The following DNAJC13 variants were observed in gnomAD, a reference collection of about 807,000 sequenced individuals.
DNAJC13 encodes DnaJ heat shock protein family (Hsp40) member C13.
In DNAJC13, 75 loss-of-function variants were observed where a neutral mutation model predicts 290.5. The observed-to-expected ratio is 0.26, with a 90% CI of 0.21 to 0.31. The LOEUF is 0.31. Ranked by LOEUF, DNAJC13 falls within the 10% of genes least tolerant of loss-of-function variation. The pLI, the probability that DNAJC13 is intolerant of heterozygous loss-of-function variation, is 1.00. For missense variants in DNAJC13, 2,260 were observed against 2,674.5 expected, an observed-to-expected ratio of 0.85 and a Z score of 3.42; for synonymous variants, 862 against 892.0, an observed-to-expected ratio of 0.97 and a Z score of 0.60.
At chr3:132,486,382 C>T (rs1233500643) in intron 29 of DNAJC13, among the ~76,000 whole-genome samples, 1 of 151,882 alleles carries the variant, frequency 6.6e-6, no homozygotes, top group Non-Finnish European at 1.5e-5. Flanking sequence ...TCTTACGAAA[C>T]TGAAAGGAAA....
rs1933603585 is a variant in DNAJC13 at position 132,456,520 on chromosome 3, T to A, written c.1119T>A (p.Ala373=). The A allele has an allele frequency of 1.2e-6, 2 of 1,613,864 alleles. No individual in the cohort carries two copies. Among genetic ancestry groups the A allele is most frequent in the Admixed American group, 1.7e-5 (1 of 59,978 alleles). ...ATPPNGNFAD[A]VFRFNANISY... ...TTACAGATGGCAACTTTGCAGATGCTGTATTCAGGTTCAATGCTAATATTT... is the reference window on the plus strand; with the variant it reads ...TTACAGATGGCAACTTTGCAGATGCAGTATTCAGGTTCAATGCTAATATTT... Residue 373 remains alanine, a synonymous_variant, in exon 11 of 56, where the codon GCT becomes GCA. Transcript: ENST00000260818.
chr3:132,452,960 A>G (rs1472591592), intron 6 of DNAJC13, among the ~76,000 whole-genome samples: 1 of 152,218 alleles, frequency 6.6e-6, no homozygotes, highest in Non-Finnish European at 1.5e-5. Flanking sequence ...AATCCTGCCC[A>G]CACAGTACCC....
At chr3:132,492,705 T>C in intron 33 of DNAJC13, 90 bp downstream of exon 33, 1 of 1,093,868 alleles carries the variant, frequency 9.1e-7, no homozygotes, top group South Asian at 1.4e-5. Flanking sequence ...AGTAAGATGG[T>C]TAATAGCTTT....
rs1308820239 is a variant in DNAJC13, at chr3:132,474,982, G to A, written c.2342G>A (p.Arg781Gln). 6.2e-7 allele frequency: 1 copy of A among 1,611,398 alleles called. No homozygotes were observed. The highest frequency in any genetic ancestry group is 1.1e-5 in the South Asian group (1 of 90,798). ...AACCTTATTTGGAATTTCAAAACAC[G>A]AGAAGAACTGAAAGATACTCTTGAA... ...RSNLIWNFKT[R>Q]EELKDTLESE... The change falls in exon 22 of 56, where the codon CGA becomes CAA. Residue 781 changes from arginine to glutamine, a missense_variant. Arg to Gln is a conservative substitution (Grantham distance 43, BLOSUM62 1). Around this residue, in one of 3 missense-constraint regions of DNAJC13, gnomAD observed 762 missense variants for 964.1 expected, o/e 0.79. Coordinates refer to ENST00000260818, the MANE Select transcript of DNAJC13 (RefSeq NM_015268.4).
At chr3:132,469,963 C>A (rs200829960) in intron 20 of DNAJC13, among the ~76,000 whole-genome samples, 1 of 61,156 alleles carries the variant, frequency 1.6e-5, no homozygotes, top group Non-Finnish European at 3.2e-5. Context: ...AGCAGAGATT[C>A]TTTTTTTTTT....
At chr3:132,422,178 G>T (rs1236203938) in intron 1 of DNAJC13, among the ~76,000 whole-genome samples, 2 of 151,766 alleles carry the variant, frequency 1.3e-5, no homozygotes, top group East Asian at 3.9e-4. Flanking sequence ...CCATAGGCAC[G>T]CCATGCCCAG....
chr3:132,505,469 G>A (rs1935555292), intron 42 of DNAJC13, 54 bp downstream of exon 42: 2 of 1,170,466 alleles, frequency 1.7e-6, no homozygotes, highest in Non-Finnish European at 2.5e-6. Context: ...GGAATCTCTG[G>A]AAGTACAGCA....
In DNAJC13 at chr3:132,467,150, A is replaced by G; in HGVS notation, c.2065-20A>G. The G allele has an allele frequency of 6.2e-7, 1 of 1,605,638 alleles. No homozygotes were observed. The highest frequency in any genetic ancestry group is 8.5e-7 in the Non-Finnish European group (1 of 1,177,190). On this transcript the variant is annotated intron_variant, in intron 19 of 55. Transcript: ENST00000260818. Reference sequence around the variant, plus strand: ...AAATTTGCAAACAGGCATGTAATGGATTCCAACATTATTTTACAGGATCAG... The same window carrying G: ...AAATTTGCAAACAGGCATGTAATGGGTTCCAACATTATTTTACAGGATCAG...
intron 51 of DNAJC13, 103 bp from the exon 52 acceptor site, chr3:132,525,507 A>G (rs762344785): frequency 1.8e-5 from 21 of 1,183,086 alleles, no homozygotes; most frequent in Non-Finnish European, 2.4e-5. Context: ...ATCAGCACTT[A>G]GAACTTTTGA....
intron 2 of DNAJC13, among the ~76,000 whole-genome samples, chr3:132,440,629 C>T (rs1326569558): frequency 2.6e-5 from 4 of 152,170 alleles, no homozygotes; most frequent in African/African-American, 9.7e-5. Context: ...ATAAGCTATA[C>T]CTTGTAGCCT....
chr3:132,523,931 A>C, intron 51 of DNAJC13: 1 of 464,988 alleles, frequency 2.2e-6, no homozygotes, highest in Non-Finnish European at 3.8e-6. Flanking sequence ...TTATAGAGAT[A>C]TCTATATTGA....
chr3:132,424,328 G>A (rs1939037609), intron 1 of DNAJC13, among the ~76,000 whole-genome samples: 1 of 152,082 alleles, frequency 6.6e-6, no homozygotes, highest in African/African-American at 2.4e-5. Context: ...CAGATGAAAT[G>A]AGCATACATG....
Position 132,483,513 on chromosome 3 carries a change from G to A in DNAJC13, c.3118G>A (p.Glu1040Lys). Reference sequence around the variant, plus strand: ...AGCCAGTGGACAGGCTGTCCTGAATGAAACTGACCTTGCTACCCTTATATT... The same window carrying A: ...AGCCAGTGGACAGGCTGTCCTGAATAAAACTGACCTTGCTACCCTTATATT... ...LLASGQAVLN[E>K]TDLATLILNM... The change falls in exon 28 of 56, where the codon GAA becomes AAA. Residue 1040 changes from glutamate to lysine, a missense_variant. Physicochemically the swap from Glu to Lys is moderately conservative, Grantham distance 56. Transcript: ENST00000260818. The A allele has an allele frequency of 6.2e-7, 1 of 1,614,136 alleles. No homozygotes were observed. The highest frequency in any genetic ancestry group is 8.5e-7 in the Non-Finnish European group (1 of 1,180,022).
At chr3:132,482,831 C>T (rs901630911) in intron 27 of DNAJC13, among the ~76,000 whole-genome samples, 1 of 151,634 alleles carries the variant, frequency 6.6e-6, no homozygotes, top group Admixed American at 6.6e-5. Flanking sequence ...TGCAATCCAG[C>T]CTGGGCAATG....
chr3:132,429,622 A>G (rs1371935601), intron 1 of DNAJC13, among the ~76,000 whole-genome samples: 2 of 152,126 alleles, frequency 1.3e-5, no homozygotes, highest in Non-Finnish European at 2.9e-5. Context: ...TTGCTTCCCT[A>G]CCTTTATTAA....
At chr3:132,448,782 A>G (rs1168019572) in intron 5 of DNAJC13, among the ~76,000 whole-genome samples, 1 of 151,982 alleles carries the variant, frequency 6.6e-6, no homozygotes, top group Non-Finnish European at 1.5e-5. Flanking sequence ...ACTAATTTCA[A>G]CTCTAGCAAT....
intron 27 of DNAJC13, among the ~76,000 whole-genome samples, chr3:132,482,532 A>T (rs1934713826): frequency 6.6e-6 from 1 of 152,198 alleles, no homozygotes; most frequent in Non-Finnish European, 1.5e-5. Context: ...CTTGTTTAAA[A>T]GCTGTTGTTA....
chr3:132,518,275 T>C (rs11709339), intron 48 of DNAJC13, among the ~76,000 whole-genome samples: 15,366 of 152,294 alleles, frequency 0.1, 1,443 homozygotes, highest in East Asian at 0.53. Flanking sequence ...GCTGACTGTT[T>C]TTACACTTAA....
intron 6 of DNAJC13, among the ~76,000 whole-genome samples, chr3:132,452,139 T>C (rs146215931): frequency 6.8e-4 from 104 of 152,326 alleles, no homozygotes; most frequent in African/African-American, 2.4e-3. Context: ...AGGATAACTG[T>C]ATCACAGTAA....
Sources: allele counts gnomAD v4.1 joint callset (sites outside exome capture counted in the v4.1 genomes callset), GRCh38; gene constraint gnomAD v4.1.1; regional missense constraint gnomAD v4.1.1; transcripts MANE v1.5; gene names NCBI Gene and HGNC (gene_info 2026-07-23, HGNC 2026-07-21).